The following PDE4D variants were observed in gnomAD, a reference collection of about 807,000 sequenced individuals.
The protein encoded by PDE4D is phosphodiesterase 4D, also known as 3',5'-cyclic-AMP phosphodiesterase 4D.
PDE4D carries 24 observed loss-of-function variants against 87.4 expected under a neutral mutation model. The ratio of observed to expected loss-of-function variants is 0.27; its 90% confidence interval spans 0.20 to 0.39. PDE4D has a LOEUF of 0.39. PDE4D is among the 10% of genes least tolerant of loss of function. The probability of loss-of-function intolerance (pLI) is 1.00; values close to 1 mark genes in which losing one functional copy is unlikely to be tolerated. For synonymous variants in PDE4D, 384 were observed against 383.2 expected (o/e 1.00, Z -0.02); for missense variants, 714 against 1,041.0 (o/e 0.69, Z 4.32).
intron 4 of PDE4D, among the ~76,000 whole-genome samples, chr5:59,183,383 T>C (rs1289431187): frequency 6.6e-6 from 1 of 152,184 alleles, no homozygotes; most frequent in East Asian, 1.9e-4. Flanking sequence ...GTTCCATCCC[T>C]GTATGTCAGC....
chr5:59,195,801 A>G (rs943743609), intron 2 of PDE4D, among the ~76,000 whole-genome samples: 2 of 152,236 alleles, frequency 1.3e-5, no homozygotes, highest in African/African-American at 4.8e-5. Context: ...ACATTTCTAT[A>G]ATAATAATTA....
chr5:60,437,474 T>C (rs1744852136), intron 1 of PDE4D, among the ~76,000 whole-genome samples: 1 of 152,114 alleles, frequency 6.6e-6, no homozygotes, highest in Non-Finnish European at 1.5e-5. Context: ...AAAAGCTAAG[T>C]GGCCAGCTTG....
intron 2 of PDE4D, among the ~76,000 whole-genome samples, chr5:60,072,933 C>T (rs190551489): frequency 6.6e-6 from 1 of 152,134 alleles, no homozygotes; most frequent in African/African-American, 2.4e-5. Context: ...TGTGATGCCT[C>T]CAGATTTGTT....
chr5:59,804,748 T>C (rs1767551186), intron 1 of PDE4D, among the ~76,000 whole-genome samples: 1 of 152,152 alleles, frequency 6.6e-6, no homozygotes, highest in Non-Finnish European at 1.5e-5. Flanking sequence ...AGAAGTCCAA[T>C]AGTGATTATT....
chr5:59,514,686 CAACGAATTT>C (rs1810861292), intron 1 of PDE4D, among the ~76,000 whole-genome samples: 1 of 152,008 alleles, frequency 6.6e-6, no homozygotes, highest in Admixed American at 6.6e-5. Context: ...AGACAAAAAC[CAACGAATTT>C]TATCACTTAC....
intron 1 of PDE4D, among the ~76,000 whole-genome samples, chr5:59,876,566 C>G (rs1748635977): frequency 6.6e-6 from 1 of 152,128 alleles, no homozygotes; most frequent in Admixed American, 6.6e-5. Context: ...AGTTATGACT[C>G]TATCTGCTAT....
chr5:59,081,336 T>G (rs1176336496), intron 5 of PDE4D, among the ~76,000 whole-genome samples: 1 of 152,082 alleles, frequency 6.6e-6, no homozygotes, highest in African/African-American at 2.4e-5. Context: ...AAATGTTTTC[T>G]GATATTTAAG....
intron 1 of PDE4D, among the ~76,000 whole-genome samples, chr5:59,268,616 C>A (rs1239748803): frequency 1.3e-5 from 2 of 151,988 alleles, no homozygotes; most frequent in African/African-American, 4.8e-5. Context: ...TATTGGATCA[C>A]CTCTGGAAAG....
At chr5:59,107,822 C>G (rs879340159) in intron 5 of PDE4D, among the ~76,000 whole-genome samples, 1 of 152,170 alleles carries the variant, frequency 6.6e-6, no homozygotes, top group Non-Finnish European at 1.5e-5. Context: ...TGGGCTTAAA[C>G]ATTAAGAAAG....
At chr5:59,871,446 T>A (rs1042904929) in intron 1 of PDE4D, among the ~76,000 whole-genome samples, 6 of 152,202 alleles carry the variant, frequency 3.9e-5, no homozygotes, top group African/African-American at 1.4e-4. Context: ...AAGTGCAGTC[T>A]CCTGACCCAT....
chr5:59,286,235 T>G lies in PDE4D; in HGVS notation c.456-70267A>C, dbSNP rs187229110. ...TCCCATTTATTGATTGCTCACCATG[T>G]GCCAGGCACTGGGTAAGATGTTCCA... is the stretch of plus-strand genomic sequence containing the variant. On this transcript the variant is annotated intron_variant, in intron 1 of 14. Transcript: ENST00000340635. Among the ~76,000 whole-genome samples the G allele has an allele frequency of 1.1e-4, 17 of 152,294 alleles. No homozygotes were observed. In the East Asian group the frequency reaches 3.1e-3, roughly 28 times the overall value.
At chr5:59,653,601 A>G (rs1743883511) in intron 1 of PDE4D, among the ~76,000 whole-genome samples, 1 of 152,192 alleles carries the variant, frequency 6.6e-6, no homozygotes, top group Admixed American at 6.5e-5. Context: ...AAGTCAAACA[A>G]GAAAGGAGGA....
chr5:59,768,856 C>G (rs551864566), intron 1 of PDE4D, among the ~76,000 whole-genome samples: 2 of 152,202 alleles, frequency 1.3e-5, no homozygotes, highest in Non-Finnish European at 2.9e-5. Context: ...CGCAGCTGCG[C>G]GAGTGACTTC....
intron 5 of PDE4D, among the ~76,000 whole-genome samples, chr5:59,100,838 T>C (rs1770614204): frequency 1.3e-5 from 2 of 152,184 alleles, no homozygotes; most frequent in South Asian, 2.1e-4. Context: ...GCCCTTTCAA[T>C]AGGAAATCTA....
chr5:59,167,215 C>T lies in PDE4D; in HGVS notation c.808+13380G>A, dbSNP rs558439068. ...AGTGGGTGAGCAGGACAGCCAGCCA[C>T]GAAACCCCAATTTTCTGACCCCTGA... On this transcript the variant is annotated intron_variant, in intron 5 of 14. Transcript: ENST00000340635. Among the ~76,000 whole-genome samples the T allele has an allele frequency of 4.6e-5, 7 of 152,268 alleles. No homozygotes were observed. The South Asian group carries it at 8.3e-4, about 18-fold the overall frequency.
At chr5:59,676,813 A>G (rs1748167339) in intron 1 of PDE4D, among the ~76,000 whole-genome samples, 1 of 152,156 alleles carries the variant, frequency 6.6e-6, no homozygotes, top group African/African-American at 2.4e-5. Flanking sequence ...TTGAAAATAT[A>G]TAATATATCG....
chr5:59,983,620 C>T (rs1170229991), intron 3 of PDE4D, among the ~76,000 whole-genome samples: 1 of 152,150 alleles, frequency 6.6e-6, no homozygotes, highest in South Asian at 2.1e-4. Flanking sequence ...AATATTCCTA[C>T]TCATCGGGGA....
intron 1 of PDE4D, among the ~76,000 whole-genome samples, chr5:60,197,919 A>G (rs921050329): frequency 6.6e-6 from 1 of 151,540 alleles, no homozygotes; most frequent in Admixed American, 6.6e-5. Context: ...AACACCCACA[A>G]ATTGAAAACT....
chr5:59,915,453 T>C (rs919658049), intron 3 of PDE4D, among the ~76,000 whole-genome samples: 6 of 152,218 alleles, frequency 3.9e-5, no homozygotes, highest in African/African-American at 1.4e-4. Flanking sequence ...CAACAACTTG[T>C]TGTGGCTACA....
Sources: allele counts gnomAD v4.1 joint callset (sites outside exome capture counted in the v4.1 genomes callset), GRCh38; gene constraint gnomAD v4.1.1; transcripts MANE v1.5; gene names NCBI Gene and HGNC (gene_info 2026-07-23, HGNC 2026-07-21).